Variants in MCPH1 observed in about 807,000 individuals in gnomAD.
MCPH1 encodes the protein microcephalin 1.
A neutral mutation model predicts 84.5 loss-of-function variants in MCPH1; 104 were observed. The ratio of observed to expected loss-of-function variants is 1.23; its 90% CI spans 1.05 to 1.45. The LOEUF (loss-of-function observed/expected upper bound fraction) is 1.45. Ranked by LOEUF, MCPH1 falls within the 40% of genes most tolerant of loss-of-function variation. MCPH1 has a pLI of 0.00. For missense variants in MCPH1, 1,498 were observed against 1,005.7 expected, an observed-to-expected ratio of 1.49 and a Z score of -6.62; for synonymous variants, 514 against 366.8, an observed-to-expected ratio of 1.40 and a Z score of -4.58.
intron 12 of MCPH1, among the ~76,000 whole-genome samples, chr8:6,597,840 G>T (rs1404294245): frequency 1.3e-5 from 2 of 152,072 alleles, no homozygotes; most frequent in Non-Finnish European, 1.5e-5. Context: ...TCCCTCATAA[G>T]CACATCCTAG....
chr8:6,544,751 T>C (rs1428268439), intron 12 of MCPH1, among the ~76,000 whole-genome samples: 1 of 152,196 alleles, frequency 6.6e-6, no homozygotes, highest in Non-Finnish European at 1.5e-5. Context: ...ATACAGCATT[T>C]AGAGTTACAC....
rs897831096 is a variant in MCPH1 at position 6,435,286 on chromosome 8, C to T, written c.322-762C>T. ...ATAGTGCTACCAAGCAGGCAGTGGG[C>T]GTGCTGCCAACCCACATAGAGTCCA... On this transcript the variant is annotated intron_variant, in intron 4 of 13. Coordinates refer to ENST00000344683, the MANE Select transcript of MCPH1 (RefSeq NM_024596.5). Among the ~76,000 whole-genome samples the T allele has an allele frequency of 1.3e-5, 2 of 152,118 alleles. 1 individual carries two copies. The highest frequency in any genetic ancestry group is 1.3e-4 in the Admixed American group (2 of 15,268).
At chr8:6,424,787 C>G (rs1800811251) in intron 3 of MCPH1, among the ~76,000 whole-genome samples, 1 of 152,248 alleles carries the variant, frequency 6.6e-6, no homozygotes, top group African/African-American at 2.4e-5. Context: ...GAAGTTCGCT[C>G]TCTGCTGGCA....
At chr8:6,461,588 C>T (rs1806304188) in intron 9 of MCPH1, among the ~76,000 whole-genome samples, 1 of 152,084 alleles carries the variant, frequency 6.6e-6, no homozygotes. Context: ...GATGTGCCCG[C>T]CTCAGCCTCC....
chr8:6,566,326 C>A (rs1322791303), intron 12 of MCPH1, among the ~76,000 whole-genome samples: 1 of 152,148 alleles, frequency 6.6e-6, no homozygotes, highest in Non-Finnish European at 1.5e-5. Flanking sequence ...ACAGTGCACG[C>A]GGTGTGGTGA....
chr8:6,612,745 C>T (rs1343020791), intron 12 of MCPH1, among the ~76,000 whole-genome samples: 1 of 152,246 alleles, frequency 6.6e-6, no homozygotes, highest in Non-Finnish European at 1.5e-5. Context: ...CTTTCCATGT[C>T]CTGCTCCTTC....
chr8:6,579,997 TG>T (rs1827423426), intron 12 of MCPH1, among the ~76,000 whole-genome samples: 1 of 152,212 alleles, frequency 6.6e-6, no homozygotes, highest in Non-Finnish European at 1.5e-5. Context: ...GCCCCATCCC[TG>T]GCCCTTTCTG....
intron 12 of MCPH1, among the ~76,000 whole-genome samples, chr8:6,580,006 C>T (rs1176186108): frequency 6.6e-6 from 1 of 152,172 alleles, no homozygotes; most frequent in Non-Finnish European, 1.5e-5. Context: ...CTGGCCCTTT[C>T]TGTCAGTAGG....
At chr8:6,446,234 C>T (rs1197339473) in intron 8 of MCPH1, 4 of 950,716 alleles carry the variant, frequency 4.2e-6, no homozygotes, top group Non-Finnish European at 5.0e-6. Context: ...AAAAATTTTG[C>T]ACTTCACAGT....
intron 12 of MCPH1, among the ~76,000 whole-genome samples, chr8:6,556,389 T>C (rs1468847029): frequency 1.3e-5 from 2 of 152,162 alleles, no homozygotes; most frequent in African/African-American, 4.8e-5. Context: ...TGAGAAATAG[T>C]TCTAATTGAT....
chr8:6,468,199 T>G (rs1180428283), intron 9 of MCPH1, among the ~76,000 whole-genome samples: 2 of 152,220 alleles, frequency 1.3e-5, no homozygotes, highest in African/African-American at 4.8e-5. Context: ...TCTTGGGCTC[T>G]GTGGCTTCTC....
rs753330091 is a variant in MCPH1, at chr8:6,436,069, G to T, written c.343G>T (p.Asp115Tyr). 6.2e-6 allele frequency: 10 copies of T among 1,613,522 alleles called. No individual in the cohort carries two copies. In the East Asian group the frequency reaches 2.0e-4, roughly 32 times the overall value. ...ACAGCGTAAATGTATGCAGCCCAAA[G>T]ATTTTAATTTTAAAACACCAGAAAA... ...KKKRKCMQPK[D>Y]FNFKTPENDK... The change falls in exon 5 of 14, where the codon GAT becomes TAT. Residue 115 changes from aspartate to tyrosine, a missense_variant. By Grantham distance (160) the Asp-to-Tyr change is radical. Coordinates refer to ENST00000344683, the MANE Select transcript of MCPH1 (RefSeq NM_024596.5).
At chr8:6,556,705 C>T (rs2515504) in intron 12 of MCPH1, among the ~76,000 whole-genome samples, 106,675 of 151,872 alleles carry the variant, frequency 0.7, 40,660 homozygotes, top group Non-Finnish European at 0.85. Flanking sequence ...CCTTGACCTC[C>T]TGGGCTCAGG....
At chr8:6,470,138 A>G (rs963979166) in intron 9 of MCPH1, among the ~76,000 whole-genome samples, 10 of 152,166 alleles carry the variant, frequency 6.6e-5, no homozygotes, top group African/African-American at 1.9e-4. Context: ...AATTTGTGAG[A>G]TGTGTCTAGA....
chr8:6,439,085 T>C lies in MCPH1; in HGVS notation c.569T>C (p.Leu190Pro). The C allele has an allele frequency of 6.2e-7, 1 of 1,613,248 alleles. No homozygotes were observed. Among genetic ancestry groups the C allele is most frequent in the Non-Finnish European group, 8.5e-7 (1 of 1,179,742 alleles). ...GAGATGAAGGAGAAAAGGGAAAATC[T>C]TTCCCCCACCTGTAAGTAATTAGTT... Reference protein sequence around the residue: ...LQEMKEKRENLSPTSSQMIQQ... With the variant: ...LQEMKEKRENPSPTSSQMIQQ... Residue 190 changes from leucine (L) to proline (P), a missense_variant, in exon 6 of 14, where the codon CTT (leucine) becomes CCT (proline). Transcript: ENST00000344683.
At chr8:6,536,814 G>C (rs567741631) in intron 12 of MCPH1, among the ~76,000 whole-genome samples, 1 of 152,108 alleles carries the variant, frequency 6.6e-6, no homozygotes, top group African/African-American at 2.4e-5. Flanking sequence ...CCTGTCTCTT[G>C]ACCTTGATGA....
At chr8:6,506,433 G>A (rs1813745007) in intron 12 of MCPH1, among the ~76,000 whole-genome samples, 1 of 152,030 alleles carries the variant, frequency 6.6e-6, no homozygotes, top group African/African-American at 2.4e-5. Flanking sequence ...ATTTGCCTAA[G>A]TAAATATATT....
In MCPH1 at chr8:6,482,487, C is replaced by G. The variant is rs918177362; in HGVS notation, c.2136+1611C>G. Among the ~76,000 whole-genome samples, 2 of 152,198 alleles carry G rather than the reference C, an allele frequency of 1.3e-5. 1 individual carries two copies. Among genetic ancestry groups the G allele is most frequent in the African/African-American group, 4.8e-5 (2 of 41,442 alleles). ...AATGAGTTCTGTGTTTTATTTCTCTCCAATTCAAATCGTCTCTGTGTCTTC... is the reference window on the plus strand; with the variant it reads ...AATGAGTTCTGTGTTTTATTTCTCTGCAATTCAAATCGTCTCTGTGTCTTC... On this transcript the variant is annotated intron_variant, in intron 11 of 13. Coordinates refer to ENST00000344683, the MANE Select transcript of MCPH1 (RefSeq NM_024596.5).
chr8:6,423,960 T>G (rs1301840929), intron 3 of MCPH1, among the ~76,000 whole-genome samples: 1 of 152,216 alleles, frequency 6.6e-6, no homozygotes, highest in African/African-American at 2.4e-5. Context: ...AGCATAGAGA[T>G]AAGAGCCAAA....
Sources: allele counts gnomAD v4.1 joint callset (sites outside exome capture counted in the v4.1 genomes callset), GRCh38; gene constraint gnomAD v4.1.1; transcripts MANE v1.5; gene names NCBI Gene and HGNC (gene_info 2026-07-23, HGNC 2026-07-21).